The following GABRG1 variants were observed in gnomAD, a reference collection of about 807,000 sequenced individuals.
GABRG1 encodes gamma-aminobutyric acid type A receptor subunit gamma1.
Under a neutral mutation model 49.8 loss-of-function variants are expected in GABRG1, and 49 were observed. The ratio of observed to expected loss-of-function variants is 0.98; its 90% confidence interval spans 0.78 to 1.25. The LOEUF is 1.25. Ranked by LOEUF, GABRG1 falls within the 50% of genes most tolerant of loss-of-function variation. The pLI is 0.00. For missense variants in GABRG1, 552 were observed against 552.3 expected (o/e 1.00, Z 0.01); for synonymous variants, 232 against 185.1 (o/e 1.25, Z -2.06).
chr4:46,113,079 T>G (rs1720772849), intron 1 of GABRG1, among the ~76,000 whole-genome samples: 2 of 151,202 alleles, frequency 1.3e-5, no homozygotes, highest in Non-Finnish European at 3.0e-5. Context: ...AAATATTATT[T>G]AATCATTGAA....
chr4:46,110,277 G>A (rs1720674658), intron 1 of GABRG1, among the ~76,000 whole-genome samples: 1 of 150,892 alleles, frequency 6.6e-6, no homozygotes, highest in Admixed American at 6.6e-5. Flanking sequence ...GCCCTCCTTT[G>A]TCCATTTTTA....
intron 3 of GABRG1, 133 bp downstream of exon 3, chr4:46,083,853 C>G (rs1227056654): frequency 1.5e-6 from 1 of 659,544 alleles, no homozygotes; most frequent in East Asian, 2.8e-5. Flanking sequence ...ATACCTGGCA[C>G]AAAGTAATTG....
At chr4:46,116,429 C>T (rs1457976901) in intron 1 of GABRG1, among the ~76,000 whole-genome samples, 2 of 150,634 alleles carry the variant, frequency 1.3e-5, no homozygotes, top group African/African-American at 4.9e-5. Context: ...CTCTCTGAGA[C>T]TTTGGGATAT....
Position 46,054,957 on chromosome 4 carries a change from C to T in GABRG1, c.916+3260G>A, listed in dbSNP as rs1429904171. ...TCAAAGGGAATGCTTCCAGTTTTTG[C>T]CCATTCAGTATGATATTGGCTGTGG... is the stretch of plus-strand genomic sequence containing the variant. On this transcript the variant is annotated intron_variant, in intron 7 of 8. Transcript: ENST00000295452. 2.2e-5 allele frequency among the ~76,000 whole-genome samples: 2 copies of T among 90,794 alleles called. 1 individual carries two copies. The highest frequency in any genetic ancestry group is 4.3e-5 in the Non-Finnish European group (2 of 46,576). The allele number at this position is 90,794 out of a possible 152,430, so 59.6% of individuals were successfully genotyped here.
intron 2 of GABRG1, among the ~76,000 whole-genome samples, chr4:46,091,642 A>G (rs1719993103): frequency 6.6e-6 from 1 of 152,076 alleles, no homozygotes; most frequent in South Asian, 2.1e-4. Context: ...GGTAATAAAG[A>G]GCAGATTGAA....
chr4:46,104,916 G>A (rs1157560693), intron 1 of GABRG1, among the ~76,000 whole-genome samples: 2 of 151,312 alleles, frequency 1.3e-5, no homozygotes, highest in East Asian at 3.9e-4. Flanking sequence ...TTGAGCCACA[G>A]TTTCCTCATC....
At chr4:46,075,464 A>C (rs896371453) in intron 3 of GABRG1, among the ~76,000 whole-genome samples, 1 of 152,010 alleles carries the variant, frequency 6.6e-6, no homozygotes, top group Non-Finnish European at 1.5e-5. Context: ...CTGAAGTGCT[A>C]GGAATACAGG....
chr4:46,113,283 T>C (rs185775741), intron 1 of GABRG1, among the ~76,000 whole-genome samples: 2 of 151,196 alleles, frequency 1.3e-5, no homozygotes, highest in Admixed American at 1.3e-4. Flanking sequence ...CTTACAATCA[T>C]GGTGAAGGCA....
intron 3 of GABRG1, among the ~76,000 whole-genome samples, chr4:46,067,332 C>T (rs1052416555): frequency 3.3e-5 from 5 of 151,902 alleles, no homozygotes; most frequent in Non-Finnish European, 5.9e-5. Flanking sequence ...TATTTAAAAT[C>T]CAATAGGTAC....
intron 2 of GABRG1, among the ~76,000 whole-genome samples, chr4:46,093,881 T>A (rs936564205): frequency 6.6e-6 from 1 of 151,984 alleles, no homozygotes; most frequent in African/African-American, 2.4e-5. Flanking sequence ...TAGTCAGAGA[T>A]TTTTAACACA....
At position 46,058,620 on chromosome 4, in the gene GABRG1, C is replaced by T. The variant is rs1286453192; in HGVS notation, c.628G>A (p.Gly210Arg). The change falls in exon 6 of 9, where the codon GGA becomes AGA. Residue 210 changes from glycine (G) to arginine (R), a missense_variant and splice_region_variant. By Grantham distance (125) the Gly-to-Arg change is moderately radical. Coordinates refer to ENST00000295452, the MANE Select transcript of GABRG1 (RefSeq NM_173536.4). ...HSCPLEFSSYGYPKNEIEYKW... is the reference protein window; with the variant it reads ...HSCPLEFSSYRYPKNEIEYKW... ...TACTCAATTTCATTTTTAGGGTATC[C>T]ATCTATAGAGAAAAAATACATAGAT... is the stretch of plus-strand genomic sequence containing the variant. 2 of 1,609,302 alleles carry T rather than the reference C, an allele frequency of 1.2e-6. No homozygotes were observed. Among genetic ancestry groups the T allele is most frequent in the African/African-American group, 1.3e-5 (1 of 74,702 alleles).
At chr4:46,083,180 C>T (rs941550360) in intron 3 of GABRG1, among the ~76,000 whole-genome samples, 2 of 151,570 alleles carry the variant, frequency 1.3e-5, no homozygotes, top group Non-Finnish European at 3.0e-5. Flanking sequence ...TAATAAGTCA[C>T]CAAATTCTCA....
At chr4:46,105,891 T>G (rs959631485) in intron 1 of GABRG1, among the ~76,000 whole-genome samples, 3 of 151,428 alleles carry the variant, frequency 2.0e-5, no homozygotes, top group Non-Finnish European at 4.4e-5. Flanking sequence ...ATTGATTGTT[T>G]TTTATCATCA....
At chr4:46,064,632 C>T (rs1718838653) in intron 4 of GABRG1, 109 bp from the exon 5 acceptor site, 2 of 477,180 alleles carry the variant, frequency 4.2e-6, no homozygotes, top group African/African-American at 2.0e-5. Flanking sequence ...TAGATTGTGA[C>T]CTATTAGAAT....
intron 7 of GABRG1, 46 bp downstream of exon 7, chr4:46,058,171 T>A: frequency 6.5e-7 from 1 of 1,532,456 alleles, no homozygotes; most frequent in Middle Eastern, 1.7e-4. Flanking sequence ...ATCAAAATGA[T>A]TTTTTAAAGT....
chr4:46,095,732 T>A (rs913244020), intron 2 of GABRG1, among the ~76,000 whole-genome samples: 2 of 151,876 alleles, frequency 1.3e-5, no homozygotes, highest in African/African-American at 2.4e-5. Flanking sequence ...TAATTTTACA[T>A]GCAACAACTT....
At chr4:46,102,986 C>A (rs183706677) in intron 1 of GABRG1, among the ~76,000 whole-genome samples, 40 of 150,968 alleles carry the variant, frequency 2.6e-4, no homozygotes, top group Admixed American at 2.4e-3. Flanking sequence ...CAAGGAAAAT[C>A]TTGGTTTACA....
At chr4:46,088,756 C>T (rs1348314298) in intron 2 of GABRG1, among the ~76,000 whole-genome samples, 5 of 150,674 alleles carry the variant, frequency 3.3e-5, no homozygotes, top group African/African-American at 1.2e-4. Flanking sequence ...CACACACACA[C>T]ACACACACAC....
At chr4:46,067,540 G>T (rs2109410745) in intron 3 of GABRG1, among the ~76,000 whole-genome samples, 1 of 152,174 alleles carries the variant, frequency 6.6e-6, no homozygotes, top group African/African-American at 2.4e-5. Flanking sequence ...GCACAAAAAT[G>T]CTTGCATCAT....
Sources: gnomAD v4.1 joint callset for allele counts (sites outside exome capture counted in the v4.1 genomes callset) on GRCh38, gnomAD v4.1.1 for gene constraint, MANE v1.5 for transcripts, NCBI Gene and HGNC (gene_info 2026-07-23, HGNC 2026-07-21) for gene names.